Variants in DLEU7 observed in about 807,000 individuals in gnomAD.
DLEU7 encodes the protein deleted in lymphocytic leukemia 7, also known as leukemia-associated protein 7.
DLEU7 carries 17 observed loss-of-function variants against 16.0 expected under a neutral mutation model. The ratio of observed to expected loss-of-function variants is 1.06; its 90% confidence interval spans 0.73 to 1.59. The LOEUF (loss-of-function observed/expected upper bound fraction) is 1.59, where lower values mean the gene tolerates loss of function less well. DLEU7 is among the 40% of genes most tolerant of loss of function. The pLI, the probability that DLEU7 is intolerant of heterozygous loss-of-function variation, is 0.00. For missense variants in DLEU7, 308 were observed against 314.9 expected (o/e 0.98, Z 0.17); for synonymous variants, 113 against 139.8 (o/e 0.81, Z 1.35).
chr13:50,757,307 G>T (rs987250046), intron 1 of DLEU7, among the ~76,000 whole-genome samples: 1 of 152,148 alleles, frequency 6.6e-6, no homozygotes, highest in South Asian at 2.1e-4. Flanking sequence ...TGAGGCAGAC[G>T]AACTAGTTGG....
chr13:50,765,044 G>A (rs1242315037), intron 1 of DLEU7, among the ~76,000 whole-genome samples: 1 of 151,974 alleles, frequency 6.6e-6, no homozygotes, highest in African/African-American at 2.4e-5. Flanking sequence ...CATCATGCCT[G>A]GTAAATTTTT....
At chr13:50,830,424 G>T (rs1191266465) in intron 1 of DLEU7, among the ~76,000 whole-genome samples, 1 of 152,220 alleles carries the variant, frequency 6.6e-6, no homozygotes, top group Non-Finnish European at 1.5e-5. Context: ...AGAGGGAAAT[G>T]AGACACATAG....
intron 1 of DLEU7, among the ~76,000 whole-genome samples, chr13:50,747,873 G>A (rs754435848): frequency 3.9e-5 from 6 of 152,212 alleles, no homozygotes; most frequent in African/African-American, 1.4e-4. Flanking sequence ...TTGACACAAT[G>A]AGCATGGCTT....
At chr13:50,728,177 G>T (rs947817700) in intron 1 of DLEU7, among the ~76,000 whole-genome samples, 3 of 152,162 alleles carry the variant, frequency 2.0e-5, no homozygotes, top group Admixed American at 6.5e-5. Flanking sequence ...TCCTTAGGTT[G>T]TAAAGTAATC....
chr13:50,831,181 G>GA (rs1330807734), intron 1 of DLEU7, among the ~76,000 whole-genome samples: 1 of 151,832 alleles, frequency 6.6e-6, no homozygotes, highest in Non-Finnish European at 1.5e-5. Flanking sequence ...AAAGAGAAAA[G>GA]AAAAAAATCT....
Position 50,843,300 on chromosome 13 carries a change from G to A in DLEU7, c.347C>T (p.Ala116Val), listed in dbSNP as rs187824664. ...DRGPCTLAQM[A>V]MRSALARVVD... ...CACGCGGGCCAGCGCGCTGCGCATCGCCATCTGGGCCAGGGTGCAGGGCCC... is the reference window on the plus strand; with the variant it reads ...CACGCGGGCCAGCGCGCTGCGCATCACCATCTGGGCCAGGGTGCAGGGCCC... The change falls in exon 1 of 2, where the codon GCG becomes GTG. Residue 116 changes from alanine (A) to valine (V), a missense_variant. By Grantham distance (64) the Ala-to-Val change is moderately conservative (BLOSUM62 0). Coordinates refer to ENST00000504404, the MANE Select transcript of DLEU7 (RefSeq NM_001306135.2). This position sits in a 1 kb window ranked among gnomAD's most constrained non-coding sequence, Gnocchi z 5.7. 796 of 1,550,680 alleles carry A rather than the reference G, an allele frequency of 5.1e-4. 7 individuals are homozygous for A. In the African/African-American group the frequency reaches 0.01, roughly 20 times the overall value.
At chr13:50,713,026 G>C (rs1321776910) in exon 2 of DLEU7, 1 of 594,858 alleles carries the variant, frequency 1.7e-6, no homozygotes, top group Non-Finnish European at 3.0e-6. Flanking sequence ...GTTCCAATCG[G>C]AGGTAATAAG....
intron 1 of DLEU7, among the ~76,000 whole-genome samples, chr13:50,842,144 A>C (rs186721366): frequency 9.8e-5 from 15 of 152,318 alleles, no homozygotes; most frequent in Admixed American, 1.3e-4. Context: ...CTACGTAGAG[A>C]AACAATACCT....
At chr13:50,818,458 C>T (rs902280726), downstream of DLEU7, 20 of 152,060 alleles carry the variant, frequency 1.3e-4, no homozygotes, top group Non-Finnish European at 1.6e-4. Flanking sequence ...TACCAAAAAA[C>T]GTAAGTGACT....
At chr13:50,730,573 G>C (rs891629361) in intron 1 of DLEU7, among the ~76,000 whole-genome samples, 1 of 152,118 alleles carries the variant, frequency 6.6e-6, no homozygotes, top group East Asian at 1.9e-4. Flanking sequence ...TCTCCATCCT[G>C]GTGAATATTT....
At chr13:50,797,384 T>C (rs1876133365) in intron 1 of DLEU7, among the ~76,000 whole-genome samples, 4 of 152,170 alleles carry the variant, frequency 2.6e-5, no homozygotes, top group Admixed American at 2.0e-4. Flanking sequence ...GACGTGCTAA[T>C]ATAATAAGGG....
intron 1 of DLEU7, among the ~76,000 whole-genome samples, chr13:50,721,272 A>G (rs1384516474): frequency 1.3e-5 from 2 of 152,208 alleles, no homozygotes; most frequent in East Asian, 3.8e-4. Context: ...TCGGCCACAG[A>G]CTGAAGGATA....
intron 1 of DLEU7, among the ~76,000 whole-genome samples, chr13:50,793,292 A>T (rs893471014): frequency 3.3e-5 from 5 of 152,128 alleles, no homozygotes; most frequent in Admixed American, 2.6e-4. Context: ...TTGATGAGCA[A>T]CTGGGTTGAT....
chr13:50,732,606 C>CAAAAA lies in DLEU7; in HGVS notation c.460-19371_460-19367dup, dbSNP rs58395582. Among the ~76,000 whole-genome samples, 16 of 65,928 alleles carry CAAAAA rather than the reference C, an allele frequency of 2.4e-4. 2 individuals carry two copies. Among genetic ancestry groups the CAAAAA allele is most frequent in the African/African-American group, 6.4e-4 (9 of 14,082 alleles). 43.3% of individuals were successfully genotyped at this position (65,928 alleles called of 152,430 possible). A position where few individuals can be genotyped will look rare whatever the true frequency, so the allele number is the denominator to read the frequency against. On this transcript the variant is annotated intron_variant, in intron 1 of 1. Transcript: ENST00000400393. ...CAGGCAACAGTATGAGACTCCATCT[C>CAAAAA]AAAAAAAAAAAAAAAAAAAAGCTTA...
chr13:50,820,470 T>C (rs1439010122), downstream of DLEU7, among the ~76,000 whole-genome samples: 2 of 152,100 alleles, frequency 1.3e-5, no homozygotes, highest in African/African-American at 4.8e-5. Flanking sequence ...CAACCAGCCT[T>C]GCACAGGAGC....
intron 1 of DLEU7, among the ~76,000 whole-genome samples, chr13:50,776,842 G>A (rs1875514098): frequency 6.6e-6 from 1 of 152,142 alleles, no homozygotes; most frequent in African/African-American, 2.4e-5. Context: ...TTCTACATTT[G>A]TTTGTAAGCA....
chr13:50,774,515 A>G (rs946770863), intron 1 of DLEU7, among the ~76,000 whole-genome samples: 1 of 152,122 alleles, frequency 6.6e-6, no homozygotes, highest in African/African-American at 2.4e-5. Flanking sequence ...TCTTCTTTCG[A>G]TGCTTTTAAG....
At chr13:50,842,584 T>G (rs1877703172) in intron 1 of DLEU7, among the ~76,000 whole-genome samples, 2 of 152,258 alleles carry the variant, frequency 1.3e-5, no homozygotes, top group South Asian at 4.1e-4. Flanking sequence ...TAGCAAGAGT[T>G]TAGCATTTAG....
At chr13:50,810,723 A>G (rs748591391) in intron 1 of DLEU7, among the ~76,000 whole-genome samples, 41 of 152,186 alleles carry the variant, frequency 2.7e-4, no homozygotes, top group Non-Finnish European at 5.3e-4. Flanking sequence ...TCATACCCGT[A>G]TCTCAGCAAT....
Sources: gnomAD v4.1 joint callset for allele counts (sites outside exome capture counted in the v4.1 genomes callset) on GRCh38, gnomAD v4.1.1 for gene constraint, Gnocchi (gnomAD v3.1) non-coding constraint, MANE v1.5 for transcripts, NCBI Gene and HGNC (gene_info 2026-07-23, HGNC 2026-07-21) for gene names.